SH3RF3: variants seen among roughly 807,000 people sequenced by gnomAD.
The protein encoded by SH3RF3 is SH3 domain containing ring finger 3.
A neutral mutation model predicts 66.3 loss-of-function variants in SH3RF3; 29 were observed. The ratio of observed to expected loss-of-function variants is 0.44; its 90% CI spans 0.33 to 0.60. SH3RF3 has a LOEUF of 0.60. SH3RF3 is among the 20% of genes least tolerant of loss of function. The pLI is 0.04. For synonymous variants in SH3RF3, 583 were observed against 532.0 expected (o/e 1.10, Z -1.32); for missense variants, 1,194 against 1,190.9 (o/e 1.00, Z -0.04).
chr2:109,150,938 A>G (rs1054322940), intron 1 of SH3RF3, among the ~76,000 whole-genome samples: 4 of 152,234 alleles, frequency 2.6e-5, no homozygotes, highest in Non-Finnish European at 4.4e-5. Context: ...TAAAGAAGCT[A>G]GTTATTTCAA....
rs974842000 is a variant in SH3RF3 at position 109,313,895 on chromosome 2, T to C, written c.574-33779T>C. 1.7e-3 allele frequency among the ~76,000 whole-genome samples: 223 copies of C among 132,212 alleles called. 5 individuals carry two copies. Among genetic ancestry groups the C allele is most frequent in the Non-Finnish European group, 3.6e-4 (23 of 64,664 alleles). The allele number at this position is 132,212 out of a possible 152,430, so 86.7% of individuals were successfully genotyped here. On this transcript the variant is annotated intron_variant, in intron 1 of 9. Coordinates refer to ENST00000309415, the MANE Select transcript of SH3RF3 (RefSeq NM_001099289.3). ...ATTTGAAGAGTGGCAGTGGAGGAGATATTTGAAAGGTGTGTTGGGACCCGT... is the reference window on the plus strand; with the variant it reads ...ATTTGAAGAGTGGCAGTGGAGGAGACATTTGAAAGGTGTGTTGGGACCCGT...
At chr2:109,179,001 TAATG>T (rs772819620) in intron 1 of SH3RF3, among the ~76,000 whole-genome samples, 5,516 of 65,362 alleles carry the variant, frequency 0.084, 156 homozygotes, top group Non-Finnish European at 0.12. Context: ...TAAAGTATAA[TAATG>T]TGTGTGTGTG....
intron 5 of SH3RF3, 113 bp from the exon 6 acceptor site, chr2:109,432,388 G>T: frequency 1.5e-6 from 2 of 1,351,142 alleles, no homozygotes; most frequent in Non-Finnish European, 2.0e-6. Flanking sequence ...ATAGACTCTA[G>T]TGGGTCTTTT....
At chr2:109,202,269 C>G (rs572043751) in intron 1 of SH3RF3, among the ~76,000 whole-genome samples, 11 of 152,316 alleles carry the variant, frequency 7.2e-5, no homozygotes, top group African/African-American at 2.6e-4. Context: ...TGCTGCCTCC[C>G]AGGTCCATCT....
intron 1 of SH3RF3, among the ~76,000 whole-genome samples, chr2:109,201,780 T>C (rs1678681765): frequency 6.6e-6 from 1 of 152,088 alleles, no homozygotes. Context: ...AAATGAGCTT[T>C]GGGAAGTGGG....
chr2:109,450,574 C>T (rs1364666134), intron 8 of SH3RF3, among the ~76,000 whole-genome samples: 1 of 152,160 alleles, frequency 6.6e-6, no homozygotes, highest in East Asian at 1.9e-4. Flanking sequence ...TTCATTTTAA[C>T]AGCTTATTCC....
In SH3RF3 at chr2:109,141,763, A is replaced by T. The variant is rs541292086; in HGVS notation, c.573+11650A>T. Among the ~76,000 whole-genome samples the T allele has an allele frequency of 1.1e-4, 17 of 152,220 alleles. No homozygotes were observed. The East Asian group carries it at 2.9e-3, about 26-fold the overall frequency. ...CCCGGGGAACAAGTCTCCTGACAGT[A>T]TCAACAGGAGGGGGTACTGGTTGGA... On this transcript the variant is annotated intron_variant, in intron 1 of 9. Coordinates refer to ENST00000309415, the MANE Select transcript of SH3RF3 (RefSeq NM_001099289.3).
chr2:109,264,677 T>C (rs184194414), intron 1 of SH3RF3, among the ~76,000 whole-genome samples: 23 of 152,348 alleles, frequency 1.5e-4, no homozygotes, highest in African/African-American at 5.0e-4. Flanking sequence ...CCCCTCCCAC[T>C]GAGCCCAGTG....
chr2:109,133,863 T>G (rs910807599), intron 1 of SH3RF3, among the ~76,000 whole-genome samples: 3 of 152,094 alleles, frequency 2.0e-5, no homozygotes, highest in Non-Finnish European at 4.4e-5. Flanking sequence ...AGCACAGGCT[T>G]CCCCAGGCAG....
chr2:109,167,506 G>A (rs1297133569), intron 1 of SH3RF3, among the ~76,000 whole-genome samples: 1 of 152,122 alleles, frequency 6.6e-6, no homozygotes, highest in Non-Finnish European at 1.5e-5. Flanking sequence ...GTTTTACATT[G>A]TATTTCCCCA....
chr2:109,129,660 G>T lies in SH3RF3; in HGVS notation c.120G>T (p.Ala40=). The change falls in exon 1 of 10, where the codon GCG becomes GCT. Residue 40 remains alanine, a synonymous_variant. Coordinates refer to ENST00000309415, the MANE Select transcript of SH3RF3 (RefSeq NM_001099289.3). ...GGCGTCGGGCGGCGGCCACCGCCGC[G>T]GGGGCGGGCGAGGACATGGACGAGT... The part of the protein sequence containing the change: ...RRRRRAAATA[A]GAGEDMDESS... 6.6e-7 allele frequency: 1 copy of T among 1,506,380 alleles called. No homozygotes were observed. The highest frequency in any genetic ancestry group is 8.8e-7 in the Non-Finnish European group (1 of 1,134,316). 93.3% of individuals were successfully genotyped at this position (1,506,380 alleles called of 1,614,324 possible).
intron 2 of SH3RF3, among the ~76,000 whole-genome samples, chr2:109,362,052 C>T (rs34163577): frequency 2.0e-5 from 3 of 151,630 alleles, no homozygotes; most frequent in African/African-American, 7.3e-5. Context: ...TGATTTTTCT[C>T]TATTGTTTTC....
At chr2:109,169,648 G>A (rs753205514) in intron 1 of SH3RF3, among the ~76,000 whole-genome samples, 3 of 152,086 alleles carry the variant, frequency 2.0e-5, no homozygotes, top group Non-Finnish European at 4.4e-5. Flanking sequence ...GTTGGGCAAT[G>A]TATTTGAACA....
chr2:109,428,301 C>T (rs577171300), intron 5 of SH3RF3, among the ~76,000 whole-genome samples: 34 of 152,388 alleles, frequency 2.2e-4, no homozygotes, highest in African/African-American at 7.0e-4. Flanking sequence ...TTGGTTTACT[C>T]TGATTAGAGC....
chr2:109,325,907 C>G (rs905210730), intron 1 of SH3RF3, among the ~76,000 whole-genome samples: 1 of 152,196 alleles, frequency 6.6e-6, no homozygotes, highest in Non-Finnish European at 1.5e-5. Flanking sequence ...CATAGTGTTT[C>G]CATTAGAAAT....
intron 1 of SH3RF3, among the ~76,000 whole-genome samples, chr2:109,142,780 T>A (rs1238876921): frequency 2.6e-5 from 4 of 152,196 alleles, no homozygotes; most frequent in Admixed American, 2.6e-4. Context: ...TGTTGTTGAC[T>A]GATGGAAGTG....
At chr2:109,248,373 GC>G (rs909107667) in intron 1 of SH3RF3, among the ~76,000 whole-genome samples, 1 of 152,056 alleles carries the variant, frequency 6.6e-6, no homozygotes, top group African/African-American at 2.4e-5. Context: ...TTATGGTTTT[GC>G]CTCTCATGAT....
chr2:109,226,457 T>C (rs1308053739), intron 1 of SH3RF3, among the ~76,000 whole-genome samples: 1 of 152,214 alleles, frequency 6.6e-6, no homozygotes, highest in Non-Finnish European at 1.5e-5. Context: ...GTCCTCATCG[T>C]TAAGTAAGTA....
chr2:109,215,059 T>C (rs1324749130), intron 1 of SH3RF3, among the ~76,000 whole-genome samples: 1 of 152,146 alleles, frequency 6.6e-6, no homozygotes, highest in Non-Finnish European at 1.5e-5. Context: ...AAGCTGTCCA[T>C]GGAAAAAATG....
Sources: gnomAD v4.1 joint callset for allele counts (sites outside exome capture counted in the v4.1 genomes callset) on GRCh38, gnomAD v4.1.1 for gene constraint, MANE v1.5 for transcripts, NCBI Gene and HGNC (gene_info 2026-07-23, HGNC 2026-07-21) for gene names.